Variants in DPF3 observed in about 807,000 individuals in gnomAD.
The protein encoded by DPF3 is double PHD fingers 3.
A neutral mutation model predicts 56.8 loss-of-function variants in DPF3; 18 were observed. The ratio of observed to expected loss-of-function variants is 0.32; its 90% CI spans 0.22 to 0.47. The LOEUF (loss-of-function observed/expected upper bound fraction) is 0.47, where lower values mean the gene tolerates loss of function less well. Among genes scored for constraint, DPF3 ranks in the 20% least tolerant of loss-of-function variants. The pLI, the probability that DPF3 is intolerant of heterozygous loss-of-function variation, is 1.00. For synonymous variants in DPF3, 188 were observed against 180.2 expected (o/e 1.04, Z -0.35); for missense variants, 403 against 488.8 (o/e 0.82, Z 1.65).
chr14:72,648,569 GAAAAAA>G (rs11348282), intron 8 of DPF3, among the ~76,000 whole-genome samples: 22 of 92,906 alleles, frequency 2.4e-4, no homozygotes, highest in African/African-American at 7.3e-4. Flanking sequence ...TCTCAAAAAA[GAAAAAA>G]AAAAAAAAAA....
intron 8 of DPF3, chr14:72,671,433 C>CATTGT: frequency 1.3e-6 from 2 of 1,531,146 alleles, no homozygotes; most frequent in Non-Finnish European, 1.8e-6. Context: ...TTCTTAATAG[C>CATTGT]AAGATATAAA....
chr14:72,652,918 G>A (rs935308839), intron 8 of DPF3, among the ~76,000 whole-genome samples: 1 of 152,154 alleles, frequency 6.6e-6, no homozygotes, highest in African/African-American at 2.4e-5. Context: ...TGGGAAGAGA[G>A]GTCAATGTGA....
chr14:72,828,534 T>C lies in DPF3; in HGVS notation c.33-56641A>G, dbSNP rs1268412597. ...GCCTGGGCAACAAAGTGAGACCATG[T>C]CTTAAAAAAAAAAAAAAACTTAATA... On this transcript the variant is annotated intron_variant, in intron 1 of 10. Transcript: ENST00000556509. 6.5e-3 allele frequency among the ~76,000 whole-genome samples: 10 copies of C among 1,528 alleles called. No individual in the cohort carries two copies. In the East Asian group the frequency reaches 0.33, roughly 51 times the overall value. The allele number at this position is 1,528 out of a possible 152,430, so 1.0% of individuals were successfully genotyped here.
chr14:72,803,980 C>G (rs1255211149), intron 1 of DPF3, among the ~76,000 whole-genome samples: 1 of 152,184 alleles, frequency 6.6e-6, no homozygotes, highest in East Asian at 1.9e-4. Flanking sequence ...ACCTCCAACA[C>G]CCTAGCTCAG....
intron 9 of DPF3, among the ~76,000 whole-genome samples, chr14:72,624,769 C>A (rs1012523759): frequency 6.6e-6 from 1 of 152,168 alleles, no homozygotes; most frequent in African/African-American, 2.4e-5. Flanking sequence ...TTGACACTTT[C>A]AAAAAATCCA....
At chr14:72,821,545 G>A (rs1883544696) in intron 1 of DPF3, among the ~76,000 whole-genome samples, 1 of 152,096 alleles carries the variant, frequency 6.6e-6, no homozygotes, top group Non-Finnish European at 1.5e-5. Flanking sequence ...TATTGTCCAT[G>A]GTACAAACTT....
intron 1 of DPF3, among the ~76,000 whole-genome samples, chr14:72,811,243 AT>A (rs1269242464): frequency 1.4e-4 from 21 of 152,350 alleles, no homozygotes; most frequent in South Asian, 2.1e-4. Flanking sequence ...CACCTCCAAC[AT>A]TGGGAATCAC....
chr14:72,693,971 C>T (rs1418521742), intron 6 of DPF3, among the ~76,000 whole-genome samples: 4 of 152,240 alleles, frequency 2.6e-5, no homozygotes, highest in Non-Finnish European at 4.4e-5. Context: ...GCCCCTGATG[C>T]CCCAGGGCAG....
chr14:72,886,338 C>T (rs1197716627), intron 1 of DPF3, among the ~76,000 whole-genome samples: 1 of 152,052 alleles, frequency 6.6e-6, no homozygotes, highest in Non-Finnish European at 1.5e-5. Context: ...CGTCACTGCA[C>T]TCCAGCCTGG....
chr14:72,702,535 G>A (rs1458930815), intron 6 of DPF3, among the ~76,000 whole-genome samples: 5 of 152,074 alleles, frequency 3.3e-5, no homozygotes, highest in East Asian at 3.9e-4. Context: ...ACATCCTGCC[G>A]GATACCATTT....
At position 72,616,171 on chromosome 14, in the gene DPF3, A is replaced by G. The variant is rs949688509; in HGVS notation, c.*3126T>C. The stretch of plus-strand genomic sequence containing the variant: ...GGCCATGTTTCCCCACCTTACAGAC[A>G]TGTGAAATGAGGCTCAGAGAGTTGA... On this transcript the variant is annotated 3_prime_UTR_variant, in exon 11 of 11. Coordinates refer to ENST00000556509, the MANE Select transcript of DPF3 (RefSeq NM_001280542.3). Among the ~76,000 whole-genome samples the G allele has an allele frequency of 2.6e-5, 4 of 152,194 alleles. No homozygotes were observed. Among genetic ancestry groups the G allele is most frequent in the African/African-American group, 7.2e-5 (3 of 41,440 alleles).
intron 7 of DPF3, among the ~76,000 whole-genome samples, chr14:72,691,714 A>G (rs1403064188): frequency 6.6e-6 from 1 of 151,852 alleles, no homozygotes; most frequent in Non-Finnish European, 1.5e-5. Context: ...CGACAGAGAA[A>G]GACTCCGTCT....
At chr14:72,815,108 AT>A (rs1883228348) in intron 1 of DPF3, among the ~76,000 whole-genome samples, 1 of 152,206 alleles carries the variant, frequency 6.6e-6, no homozygotes, top group African/African-American at 2.4e-5. Context: ...TTTAGTCAGA[AT>A]ATATAAAGAA....
chr14:72,782,134 C>T (rs1237510702), intron 1 of DPF3, among the ~76,000 whole-genome samples: 1 of 152,156 alleles, frequency 6.6e-6, no homozygotes, highest in East Asian at 1.9e-4. Context: ...AGGGTGCTGC[C>T]CTCCCCAGTA....
chr14:72,700,308 C>G (rs925725540), intron 6 of DPF3, among the ~76,000 whole-genome samples: 2 of 152,314 alleles, frequency 1.3e-5, no homozygotes, highest in African/African-American at 4.8e-5. Context: ...AGGCCCCACA[C>G]TTGGTTTAAT....
intron 6 of DPF3, among the ~76,000 whole-genome samples, chr14:72,712,834 C>G (rs1475239036): frequency 6.6e-6 from 1 of 152,184 alleles, no homozygotes; most frequent in African/African-American, 2.4e-5. Context: ...ATGATTGCAC[C>G]ACTGTACTCC....
chr14:72,665,482 T>A (rs10140566), intron 8 of DPF3, among the ~76,000 whole-genome samples: 1 of 152,038 alleles, frequency 6.6e-6, no homozygotes, highest in Non-Finnish European at 1.5e-5. Flanking sequence ...ACATACCTCC[T>A]GATGTAATGC....
intron 8 of DPF3, among the ~76,000 whole-genome samples, chr14:72,673,480 G>T (rs1373579250): frequency 1.3e-5 from 2 of 152,158 alleles, no homozygotes; most frequent in Admixed American, 1.3e-4. Context: ...ACCATGGCCA[G>T]CCAAAAATAA....
intron 1 of DPF3, among the ~76,000 whole-genome samples, chr14:72,810,405 A>G (rs1599462257): frequency 1.3e-5 from 2 of 152,228 alleles, no homozygotes; most frequent in Admixed American, 1.3e-4. Context: ...AATCACATTC[A>G]TGCCAGGGTG....
Sources: allele counts gnomAD v4.1 joint callset (sites outside exome capture counted in the v4.1 genomes callset), GRCh38; gene constraint gnomAD v4.1.1; transcripts MANE v1.5; gene names NCBI Gene and HGNC (gene_info 2026-07-23, HGNC 2026-07-21).